The following CDK11A variants were observed in gnomAD, a reference collection of about 807,000 sequenced individuals.
The protein encoded by CDK11A is cyclin-dependent kinase 11A.
CDK11A carries 55 observed loss-of-function variants against 83.6 expected under a neutral mutation model. The ratio of observed to expected loss-of-function variants is 0.66; its 90% confidence interval spans 0.53 to 0.82. CDK11A has a LOEUF of 0.82. Among genes scored for constraint, CDK11A ranks in the 40% least tolerant of loss-of-function variants. The pLI, the probability that CDK11A is intolerant of heterozygous loss-of-function variation, is 0.00. For synonymous variants in CDK11A, 247 were observed against 302.7 expected (o/e 0.82, Z 1.91); for missense variants, 564 against 810.1 (o/e 0.70, Z 3.69).
At position 1,703,454 on chromosome 1, in the gene CDK11A, C is replaced by T. The variant is rs1475321225; in HGVS notation, c.2060+22G>A. 18 of 1,481,470 alleles carry T rather than the reference C, an allele frequency of 1.2e-5. 1 individual carries two copies. The highest frequency in any genetic ancestry group is 1.6e-5 in the Non-Finnish European group (18 of 1,124,808). The allele number at this position is 1,481,470 out of a possible 1,614,324, so 91.8% of individuals were successfully genotyped here. A position where few individuals can be genotyped will look rare whatever the true frequency, so the allele number is the denominator to read the frequency against. On this transcript the variant is annotated intron_variant, in intron 18 of 19. Transcript: ENST00000404249. Reference sequence around the variant, plus strand: ...ACCGCTATGGCTCGGGACCTCCCGCCACCCGGCTGCACTGGGCTCACTTGT... The same window carrying T: ...ACCGCTATGGCTCGGGACCTCCCGCTACCCGGCTGCACTGGGCTCACTTGT...
intron 4 of CDK11A, among the ~76,000 whole-genome samples, chr1:1,718,658 G>A (rs1381834357): frequency 7.5e-6 from 1 of 133,146 alleles, no homozygotes; most frequent in Non-Finnish European, 1.6e-5. Context: ...TTTTTGAGAC[G>A]GAGTCTTGCT....
intron 4 of CDK11A, among the ~76,000 whole-genome samples, chr1:1,718,594 T>TCC (rs1644772924): frequency 6.8e-6 from 1 of 147,776 alleles, no homozygotes; most frequent in Non-Finnish European, 1.5e-5. Flanking sequence ...TCTATAGCCA[T>TCC]TCTGAACGGT....
chr1:1,721,826 T>C, intron 2 of CDK11A, 115 bp from the exon 3 acceptor site: 2 of 1,377,830 alleles, frequency 1.5e-6, no homozygotes, highest in Non-Finnish European at 1.9e-6. Flanking sequence ...AACTTTCACA[T>C]GTACTCTGAA....
Position 1,716,261 on chromosome 1 carries a change from T to C in CDK11A, c.488+85A>G. ...CCACTTCTGCAACAAATGTGACTTC[T>C]ATTGCCAAATTCTTCTTCATTGCTG... On this transcript the variant is annotated intron_variant, in intron 5 of 19. Transcript: ENST00000404249. The C allele has an allele frequency of 2.0e-6, 3 of 1,475,572 alleles. 1 individual carries two copies. The highest frequency in any genetic ancestry group is 2.3e-5 in the East Asian group (1 of 43,792). 91.4% of individuals were successfully genotyped at this position (1,475,572 alleles called of 1,614,324 possible). A position where few individuals can be genotyped will look rare whatever the true frequency, so the allele number is the denominator to read the frequency against.
Position 1,703,631 on chromosome 1 carries a change from G to A in CDK11A, c.1912-7C>T, listed in dbSNP as rs1306917565. 3.8e-6 allele frequency: 6 copies of A among 1,593,094 alleles called. No homozygotes were observed. The highest frequency in any genetic ancestry group is 1.7e-4 in the Middle Eastern group (1 of 6,022). On this transcript the variant is annotated splice_polypyrimidine_tract_variant and splice_region_variant and intron_variant, in intron 17 of 19. Coordinates refer to ENST00000404249, the MANE Select transcript of CDK11A (RefSeq NM_024011.4). ...CACTGGGGGTCCCCAGCTCCTGAAA[G>A]ACAGAGGTGCTTCAACAGCCACACC... is the stretch of plus-strand genomic sequence containing the variant.
At chr1:1,704,488 C>T (rs766365901) in intron 14 of CDK11A, 62 bp downstream of exon 14, 13 of 1,567,366 alleles carry the variant, frequency 8.3e-6, no homozygotes, top group Admixed American at 1.9e-5. Context: ...ACTGTCACCG[C>T]GGGGGTGACC....
intron 17 of CDK11A, 72 bp downstream of exon 17, chr1:1,703,752 T>C (rs1644180591): frequency 1.3e-6 from 2 of 1,580,152 alleles, no homozygotes; most frequent in African/African-American, 2.7e-5. Flanking sequence ...ACCCAGCACC[T>C]GTGCGCCCCG....
At chr1:1,712,813 G>A (rs1215310101) in intron 5 of CDK11A, among the ~76,000 whole-genome samples, 1 of 38,258 alleles carries the variant, frequency 2.6e-5, no homozygotes, top group Non-Finnish European at 1.3e-4. Flanking sequence ...ACCGTGCCCA[G>A]CTGCCATTTC....
At chr1:1,719,557 T>G (rs74223875) in intron 3 of CDK11A, 102 bp from the exon 4 acceptor site, 1 of 937,318 alleles carries the variant, frequency 1.1e-6, no homozygotes, top group Non-Finnish European at 1.5e-6. Flanking sequence ...ATGATTCAGA[T>G]AGGAACGAAG....
intron 4 of CDK11A, 33 bp downstream of exon 4, chr1:1,719,295 A>C (rs1570431484): frequency 6.8e-7 from 1 of 1,479,074 alleles, no homozygotes; most frequent in East Asian, 2.6e-5. Flanking sequence ...CCACACTTGA[A>C]CATGATGTCA....
chr1:1,704,127 G>T lies in CDK11A; in HGVS notation c.1706C>A (p.Ala569Glu), dbSNP rs562414511. The change falls in exon 16 of 20, where the codon GCG (alanine) becomes GAG (glutamate). Residue 569 changes from alanine (A) to glutamate (E), a missense_variant. Physicochemically the swap from Ala to Glu is moderately radical, Grantham distance 107. Transcript: ENST00000404249. ...GILKVGDFGLAREYGSPLKAY... is the reference protein window; with the variant it reads ...GILKVGDFGLEREYGSPLKAY... ...CTTCAGAGGGGATCCGTACTCCCGC[G>T]CCAGCCCAAAATCACCCACCTGCAA... is the stretch of plus-strand genomic sequence containing the variant. 6.2e-7 allele frequency: 1 copy of T among 1,604,402 alleles called. No individual in the cohort carries two copies. Among genetic ancestry groups the T allele is most frequent in the East Asian group, 2.2e-5 (1 of 44,760 alleles).
At chr1:1,720,571 A>T (rs1212899488) in intron 3 of CDK11A, among the ~76,000 whole-genome samples, 8 of 142,154 alleles carry the variant, frequency 5.6e-5, no homozygotes, top group Admixed American at 7.1e-5. Context: ...GCTAATTTTT[A>T]TATTTTTAGT....
intron 4 of CDK11A, among the ~76,000 whole-genome samples, chr1:1,718,434 C>T (rs960705493): frequency 6.7e-5 from 10 of 148,436 alleles, no homozygotes; most frequent in African/African-American, 2.3e-4. Context: ...CTCCATAGCC[C>T]TTCTGAATGG....
chr1:1,719,492 G>A lies in CDK11A; in HGVS notation c.228-37C>T, dbSNP rs754835097. On this transcript the variant is annotated intron_variant, in intron 3 of 19. Coordinates refer to ENST00000404249, the MANE Select transcript of CDK11A (RefSeq NM_024011.4). ...CACAACAGCACTGCGTCATGCTTGA[G>A]AAAGTGCGGAAAAGCATCAGGCTAT... 4.4e-6 allele frequency: 6 copies of A among 1,366,056 alleles called. No individual in the cohort carries two copies. The African/African-American group carries it at 9.0e-5, about 20-fold the overall frequency. 84.6% of individuals were successfully genotyped at this position (1,366,056 alleles called of 1,614,324 possible). A position where few individuals can be genotyped will look rare whatever the true frequency, so the allele number is the denominator to read the frequency against.
At chr1:1,720,454 C>T (rs376972405) in intron 3 of CDK11A, among the ~76,000 whole-genome samples, 2 of 150,650 alleles carry the variant, frequency 1.3e-5, no homozygotes, top group Admixed American at 1.3e-4. Context: ...AGTCCAGCGG[C>T]GCAATCTTGG....
In CDK11A at chr1:1,704,647, CACA is replaced by C; in HGVS notation, c.1464_1466del (p.Ile488_Val489delinsMet). The C allele has an allele frequency of 6.3e-7, 1 of 1,597,288 alleles. No homozygotes were observed. Among genetic ancestry groups the C allele is most frequent in the Non-Finnish European group, 8.5e-7 (1 of 1,171,158 alleles). ...AGATCTTGTCCATGTTGCTGCCCAC[CACA>C]ATCTCCTGCAGGGCACGGCTCTGTG... On this transcript the variant is annotated inframe_deletion, in exon 14 of 20. Coordinates refer to ENST00000404249, the MANE Select transcript of CDK11A (RefSeq NM_024011.4).
At chr1:1,714,741 A>T (rs1000740395) in intron 5 of CDK11A, among the ~76,000 whole-genome samples, 1 of 136,912 alleles carries the variant, frequency 7.3e-6, no homozygotes, top group Non-Finnish European at 1.6e-5. Flanking sequence ...GACAGGGAGC[A>T]CACTGAACGT....
intron 4 of CDK11A, chr1:1,719,092 A>C (rs1644796733): frequency 3.5e-6 from 1 of 286,718 alleles, no homozygotes; most frequent in African/African-American, 2.2e-5. Flanking sequence ...TCTGTGACGC[A>C]CACATGCTTT....
rs874516 is a variant in CDK11A, at chr1:1,703,565, T to G, written c.1971A>C (p.Lys657Asn). The change falls in exon 18 of 20, where the codon AAA becomes AAC. Residue 657 changes from lysine (K) to asparagine (N), a missense_variant. Around this residue, in one of 5 missense-constraint regions of CDK11A, gnomAD observed 361 missense variants for 402.7 expected, o/e 0.90. Coordinates refer to ENST00000404249, the MANE Select transcript of CDK11A (RefSeq NM_024011.4). ...AGGGGTGCTCGCTGAAGGTCATCTT[T>G]TTGACTACTGGGAGCTCACTGTAGC... is the stretch of plus-strand genomic sequence containing the variant. ...WPGYSELPVVKKMTFSEHPYN... is the reference protein window; with the variant it reads ...WPGYSELPVVNKMTFSEHPYN... The G allele has an allele frequency of 2.7e-4, 422 of 1,565,230 alleles. 25 individuals are homozygous for G. In the Admixed American group the frequency reaches 6.3e-3, roughly 23 times the overall value.
Sources: allele counts gnomAD v4.1 joint callset (sites outside exome capture counted in the v4.1 genomes callset), GRCh38; gene constraint gnomAD v4.1.1; regional missense constraint gnomAD v4.1.1; transcripts MANE v1.5; gene names NCBI Gene and HGNC (gene_info 2026-07-23, HGNC 2026-07-21).